NAV2: variants seen among roughly 807,000 people sequenced by gnomAD.
NAV2 encodes the protein helicase, APC down-regulated 1.
Under a neutral mutation model 223.2 loss-of-function variants are expected in NAV2, and 54 were observed. The ratio of observed to expected loss-of-function variants is 0.24; its 90% CI spans 0.19 to 0.30. NAV2 has a LOEUF of 0.30. Ranked by LOEUF, NAV2 falls within the 10% of genes least tolerant of loss-of-function variation. The probability of loss-of-function intolerance (pLI) is 1.00; values close to 1 mark genes in which losing one functional copy is unlikely to be tolerated. For synonymous variants in NAV2, 1,279 were observed against 1,239.3 expected (o/e 1.03, Z -0.67); for missense variants, 2,806 against 3,147.5 (o/e 0.89, Z 2.60).
At chr11:19,948,566 G>C in intron 9 of NAV2, 125 bp from the exon 10 acceptor site, 2 of 1,020,158 alleles carry the variant, frequency 2.0e-6, no homozygotes, top group Non-Finnish European at 2.7e-6. Flanking sequence ...TGGTACATGG[G>C]GGCTGGCTGT....
chr11:19,776,903 C>T (rs2056271372), intron 1 of NAV2, among the ~76,000 whole-genome samples: 1 of 152,018 alleles, frequency 6.6e-6, no homozygotes, highest in Non-Finnish European at 1.5e-5. Flanking sequence ...CACCCCTACC[C>T]ATCTTCTGCC....
intron 1 of NAV2, among the ~76,000 whole-genome samples, chr11:19,613,817 G>A (rs1409702091): frequency 6.6e-6 from 1 of 152,098 alleles, no homozygotes; most frequent in Non-Finnish European, 1.5e-5. Flanking sequence ...GTTTCAAGGA[G>A]GATTATATGA....
intron 1 of NAV2, among the ~76,000 whole-genome samples, chr11:19,655,110 A>T (rs909117472): frequency 2.0e-5 from 3 of 152,258 alleles, no homozygotes; most frequent in Admixed American, 6.5e-5. Context: ...TCAAAAGAAG[A>T]CATTTATGCA....
chr11:19,811,975 C>T (rs984610822), intron 1 of NAV2, among the ~76,000 whole-genome samples: 2 of 152,020 alleles, frequency 1.3e-5, no homozygotes, highest in African/African-American at 4.8e-5. Flanking sequence ...TTAGTGGTTC[C>T]CAGACTGTAG....
intron 6 of NAV2, among the ~76,000 whole-genome samples, chr11:19,932,566 G>A (rs10766605): frequency 0.56 from 85,767 of 151,974 alleles, 25,119 homozygotes; most frequent in South Asian, 0.72. Context: ...TGATCTGCCC[G>A]CCTCGGCCTC....
At chr11:19,586,806 G>A (rs1338636246) in intron 1 of NAV2, among the ~76,000 whole-genome samples, 3 of 152,244 alleles carry the variant, frequency 2.0e-5, no homozygotes, top group African/African-American at 7.2e-5. Context: ...GTGCCTCCCA[G>A]TTAGGCTACT....
intron 1 of NAV2, among the ~76,000 whole-genome samples, chr11:19,685,391 C>T (rs1040542295): frequency 2.6e-5 from 4 of 152,072 alleles, no homozygotes; most frequent in Non-Finnish European, 5.9e-5. Context: ...TCAAGCAGCC[C>T]TTACTAGAAT....
upstream of NAV2, among the ~76,000 whole-genome samples, chr11:19,346,356 C>A (rs1040310879): frequency 1.3e-5 from 2 of 152,184 alleles, no homozygotes; most frequent in African/African-American, 4.8e-5. Context: ...TGGATCGGAT[C>A]CGAGCCAAGC....
chr11:19,362,503 A>G (rs1040886172), intron 1 of NAV2, among the ~76,000 whole-genome samples: 14 of 152,196 alleles, frequency 9.2e-5, no homozygotes, highest in African/African-American at 3.1e-4. Flanking sequence ...TCAATGTACC[A>G]CCTAAAATAA....
intron 1 of NAV2, among the ~76,000 whole-genome samples, chr11:19,582,233 C>T (rs1410686229): frequency 1.3e-5 from 2 of 152,002 alleles, no homozygotes; most frequent in East Asian, 3.9e-4. Flanking sequence ...TCTTGTAAAT[C>T]TGTTGGAGTT....
intron 17 of NAV2, among the ~76,000 whole-genome samples, chr11:20,052,694 A>G (rs1051234229): frequency 6.6e-6 from 1 of 152,240 alleles, no homozygotes; most frequent in African/African-American, 2.4e-5. Context: ...TGTCCTGGAA[A>G]GTTGCATGTC....
intron 1 of NAV2, among the ~76,000 whole-genome samples, chr11:19,769,581 C>G (rs1590397330): frequency 6.6e-6 from 1 of 152,182 alleles, no homozygotes; most frequent in African/African-American, 2.4e-5. Flanking sequence ...GAGGCACCCT[C>G]TCCTGGGCTG....
rs553908055 is a variant in NAV2, at chr11:19,415,020, A to T, written c.75+63993A>T. ...AAGGATCTAAAATTGACACCCTAAC[A>T]TCATAATTAAAAGTACTAGTGAAAC... On this transcript the variant is annotated intron_variant, in intron 1 of 37. Transcript: ENST00000360655. Among the ~76,000 whole-genome samples the T allele has an allele frequency of 8.5e-5, 13 of 152,328 alleles. No individual in the cohort carries two copies. The East Asian group carries it at 1.9e-3, about 23-fold the overall frequency.
At chr11:19,395,216 G>A (rs958052213) in intron 1 of NAV2, among the ~76,000 whole-genome samples, 2 of 152,262 alleles carry the variant, frequency 1.3e-5, no homozygotes, top group African/African-American at 2.4e-5. Flanking sequence ...CATGCTGTGC[G>A]TGTTAGTGCA....
At chr11:19,555,597 G>T (rs2044857707) in intron 1 of NAV2, among the ~76,000 whole-genome samples, 1 of 152,158 alleles carries the variant, frequency 6.6e-6, no homozygotes, top group South Asian at 2.1e-4. Flanking sequence ...AGCTGTTTTG[G>T]AAGTAAACAT....
rs989617974 is a variant in NAV2 at position 20,101,790 on chromosome 11, T to C, written c.6417+618T>C. ...TTCACGGTGAGCAACGGAAACCTGT[T>C]TGAATGGAGCCTGACCTGGTCCCAG... On this transcript the variant is annotated intron_variant, in intron 32 of 37. Transcript: ENST00000349880. Among the ~76,000 whole-genome samples, 36 of 152,162 alleles carry C rather than the reference T, an allele frequency of 2.4e-4. 1 individual carries two copies. The highest frequency in any genetic ancestry group is 7.3e-5 in the Non-Finnish European group (5 of 68,034).
chr11:19,887,929 T>C lies in NAV2; in HGVS notation c.771-4505T>C, dbSNP rs529566438. Among the ~76,000 whole-genome samples, 14 of 136,410 alleles carry C rather than the reference T, an allele frequency of 1.0e-4. 1 individual carries two copies. The highest frequency in any genetic ancestry group is 3.9e-4 in the African/African-American group (14 of 36,362). The allele number at this position is 136,410 out of a possible 152,430, so 89.5% of individuals were successfully genotyped here. A position where few individuals can be genotyped will look rare whatever the true frequency, so the allele number is the denominator to read the frequency against. ...CATCCTCTGCTCCCAGCCTCTGAAG[T>C]GGTTTTGGGGGAAAGAACTGTTTTT... On this transcript the variant is annotated intron_variant, in intron 5 of 37. Coordinates refer to ENST00000349880, the MANE Select transcript of NAV2 (RefSeq NM_145117.5).
At chr11:20,040,863 G>A (rs550511219) in intron 12 of NAV2, among the ~76,000 whole-genome samples, 48 of 152,270 alleles carry the variant, frequency 3.2e-4, no homozygotes, top group Middle Eastern at 3.4e-3. Context: ...GGACTTTCTC[G>A]TTTTTTAATC....
chr11:19,910,087 C>T (rs750891257), intron 6 of NAV2, among the ~76,000 whole-genome samples: 3 of 152,110 alleles, frequency 2.0e-5, no homozygotes, highest in Non-Finnish European at 4.4e-5. Context: ...TAATCCCTCA[C>T]ATCACTACTA....
Sources: gnomAD v4.1 joint callset for allele counts (sites outside exome capture counted in the v4.1 genomes callset) on GRCh38, gnomAD v4.1.1 for gene constraint, MANE v1.5 for transcripts, NCBI Gene and HGNC (gene_info 2026-07-23, HGNC 2026-07-21) for gene names.